Variants in RAPGEF2 observed in about 807,000 individuals in gnomAD.
RAPGEF2 encodes the protein Rap guanine nucleotide exchange factor 2, also known as PDZ domain containing guanine nucleotide exchange factor (GEF) 1.
RAPGEF2 carries 54 observed loss-of-function variants against 186.7 expected under a neutral mutation model. That is an observed-to-expected ratio of 0.29 (90% CI 0.23 to 0.36). The LOEUF (loss-of-function observed/expected upper bound fraction) is 0.36, where lower values mean the gene tolerates loss of function less well. RAPGEF2 is among the 10% of genes least tolerant of loss of function. RAPGEF2 has a pLI of 1.00. For missense variants in RAPGEF2, 1,532 were observed against 2,045.0 expected (o/e 0.75, Z 4.84); for synonymous variants, 712 against 705.9 (o/e 1.01, Z -0.14).
intron 1 of RAPGEF2, among the ~76,000 whole-genome samples, chr4:159,182,383 C>CTT (rs1747097433): frequency 1.3e-5 from 1 of 76,816 alleles, no homozygotes; most frequent in Non-Finnish European, 2.7e-5. Context: ...ATTTTCTTTT[C>CTT]TTCTTTTTTT....
intron 1 of RAPGEF2, among the ~76,000 whole-genome samples, chr4:159,145,050 G>T (rs1742790225): frequency 6.6e-6 from 1 of 151,612 alleles, no homozygotes; most frequent in Non-Finnish European, 1.5e-5. Flanking sequence ...CAGTACACCT[G>T]GGTAGTTTTT....
chr4:159,339,927 C>T (rs993564951), intron 19 of RAPGEF2, among the ~76,000 whole-genome samples: 1 of 152,168 alleles, frequency 6.6e-6, no homozygotes, highest in African/African-American at 2.4e-5. Flanking sequence ...GAGCTTAGTC[C>T]TTTGCTGCAG....
At chr4:159,283,075 G>A (rs1759951132) in intron 7 of RAPGEF2, among the ~76,000 whole-genome samples, 1 of 152,038 alleles carries the variant, frequency 6.6e-6, no homozygotes, top group Non-Finnish European at 1.5e-5. Context: ...TCTTTTATCT[G>A]GTTCTCCTCA....
rs1767894559 is a variant in RAPGEF2, at chr4:159,339,241, C to G, written c.2421C>G (p.Thr807=). Residue 807 remains threonine (T), a synonymous_variant, in exon 19 of 30, where the codon ACC becomes ACG. Coordinates refer to ENST00000691494, the MANE Select transcript of RAPGEF2 (RefSeq NM_001394067.2). ...QAIREFAVTA[T]PDQYSLCEVS... is the part of the protein sequence containing the mutation. ...TCAGGGAGTTTGCTGTTACTGCCAC[C>G]CCGGATCAATATTCACTATGTGAGG... 3.7e-6 allele frequency: 6 copies of G among 1,613,888 alleles called. No individual in the cohort carries two copies. The highest frequency in any genetic ancestry group is 5.1e-6 in the Non-Finnish European group (6 of 1,179,994).
chr4:159,195,048 C>T (rs534217467), intron 3 of RAPGEF2, among the ~76,000 whole-genome samples: 4 of 152,206 alleles, frequency 2.6e-5, no homozygotes, highest in African/African-American at 7.2e-5. Context: ...TAGGATGATT[C>T]TGAGGTTGCA....
chr4:159,212,217 T>C (rs1750603236), intron 4 of RAPGEF2, among the ~76,000 whole-genome samples: 1 of 152,184 alleles, frequency 6.6e-6, no homozygotes, highest in Non-Finnish European at 1.5e-5. Flanking sequence ...TCGGCAGGAA[T>C]GTCTCCATTG....
intron 22 of RAPGEF2, among the ~76,000 whole-genome samples, chr4:159,343,688 G>A (rs111707655): frequency 4.3e-4 from 65 of 152,244 alleles, no homozygotes; most frequent in East Asian, 1.7e-3. Context: ...GACTTGTAGA[G>A]CTAAAACTCA....
chr4:159,345,700 G>A (rs903007915), intron 24 of RAPGEF2, among the ~76,000 whole-genome samples: 6 of 152,118 alleles, frequency 3.9e-5, no homozygotes, highest in Non-Finnish European at 8.8e-5. Flanking sequence ...GGGGAGTCAG[G>A]GCATAAAATT....
chr4:159,207,166 C>T (rs1459624656), intron 3 of RAPGEF2, among the ~76,000 whole-genome samples: 1 of 152,156 alleles, frequency 6.6e-6, no homozygotes, highest in Non-Finnish European at 1.5e-5. Context: ...AGAGAAACAG[C>T]CTATCTATCA....
chr4:159,125,953 A>C (rs1364868986), intron 1 of RAPGEF2, among the ~76,000 whole-genome samples: 2 of 152,150 alleles, frequency 1.3e-5, no homozygotes, highest in Non-Finnish European at 2.9e-5. Context: ...GTATCTTGCC[A>C]GTGATGTTAA....
chr4:159,209,929 ATACTC>A (rs1215370107), intron 3 of RAPGEF2, among the ~76,000 whole-genome samples: 2 of 152,268 alleles, frequency 1.3e-5, no homozygotes, highest in African/African-American at 4.8e-5. Flanking sequence ...AGTAAAAAGA[ATACTC>A]AAGAAAGCTA....
At chr4:159,194,246 C>G (rs1183256538) in intron 3 of RAPGEF2, among the ~76,000 whole-genome samples, 2 of 152,098 alleles carry the variant, frequency 1.3e-5, no homozygotes, top group Non-Finnish European at 2.9e-5. Flanking sequence ...GTGTGACTGG[C>G]CTGTGGTGTG....
intron 1 of RAPGEF2, among the ~76,000 whole-genome samples, chr4:159,131,519 A>ATTGTTTTTTTTTTTTTTTTT: frequency 2.1e-4 from 8 of 37,212 alleles, no homozygotes; most frequent in Non-Finnish European, 3.0e-4. Context: ...ATTAATTGCT[A>ATTGTTTTTTTTTTTTTTTTT]TTTTTTTTTT....
chr4:159,288,846 A>G (rs996540308), intron 7 of RAPGEF2, among the ~76,000 whole-genome samples: 3 of 152,152 alleles, frequency 2.0e-5, no homozygotes, highest in Middle Eastern at 3.4e-3. Flanking sequence ...TTTACTCTGG[A>G]TATTCCTTCT....
chr4:159,127,548 T>C (rs1426976818), intron 1 of RAPGEF2, among the ~76,000 whole-genome samples: 1 of 152,206 alleles, frequency 6.6e-6, no homozygotes, highest in Non-Finnish European at 1.5e-5. Flanking sequence ...TTGCGTTTCT[T>C]CTGGGCATTC....
intron 20 of RAPGEF2, among the ~76,000 whole-genome samples, chr4:159,342,240 T>A (rs1227605960): frequency 6.6e-6 from 1 of 152,162 alleles, no homozygotes; most frequent in Non-Finnish European, 1.5e-5. Flanking sequence ...ACTTTTTTTT[T>A]AAGTTTGTTT....
At chr4:159,198,244 CTTCCTTTCTTTCTTTCTCTTTCTTTCCTT>C (rs1748901769) in intron 3 of RAPGEF2, among the ~76,000 whole-genome samples, 1 of 121,244 alleles carries the variant, frequency 8.2e-6, no homozygotes, top group African/African-American at 3.2e-5. Flanking sequence ...TTCTTTCTTT[CTTCCTTTCTTTCTTTCTCTTTCTTTCCTT>C]CTTTCTTTCT....
intron 1 of RAPGEF2, among the ~76,000 whole-genome samples, chr4:159,180,253 T>A (rs1397172816): frequency 1.3e-5 from 2 of 152,230 alleles, no homozygotes; most frequent in Non-Finnish European, 2.9e-5. Context: ...TTAATTTGCA[T>A]GTCTTTTGCT....
intron 7 of RAPGEF2, among the ~76,000 whole-genome samples, chr4:159,259,704 A>G (rs1429690455): frequency 6.6e-6 from 1 of 152,164 alleles, no homozygotes; most frequent in Non-Finnish European, 1.5e-5. Context: ...AAAATTATTC[A>G]TAGTTTTTAG....
Sources: gnomAD v4.1 joint callset for allele counts (sites outside exome capture counted in the v4.1 genomes callset) on GRCh38, gnomAD v4.1.1 for gene constraint, MANE v1.5 for transcripts, NCBI Gene and HGNC (gene_info 2026-07-23, HGNC 2026-07-21) for gene names.